RERE: variants seen among roughly 807,000 people sequenced by gnomAD.
RERE encodes arginine-glutamic acid dipeptide repeats protein.
In RERE, 40 loss-of-function variants were observed where a neutral mutation model predicts 146.1. The observed-to-expected ratio is 0.27, with a 90% CI of 0.21 to 0.36. The LOEUF is 0.36. Among genes scored for constraint, RERE ranks in the 10% least tolerant of loss-of-function variants. The pLI, the probability that RERE is intolerant of heterozygous loss-of-function variation, is 1.00. For missense variants in RERE, 1,933 were observed against 2,138.7 expected (o/e 0.90, Z 1.90); for synonymous variants, 1,003 against 866.0 (o/e 1.16, Z -2.78).
chr1:8,383,894 T>TAAAAA (rs1642543639), intron 12 of RERE, among the ~76,000 whole-genome samples: 1 of 144,916 alleles, frequency 6.9e-6, no homozygotes, highest in African/African-American at 2.6e-5. Context: ...TAAAATAAAA[T>TAAAAA]AAAAATGTAT....
At chr1:8,768,984 T>G (rs1640896603) in intron 1 of RERE, among the ~76,000 whole-genome samples, 1 of 152,218 alleles carries the variant, frequency 6.6e-6, no homozygotes, top group African/African-American at 2.4e-5. Context: ...ACATCTGGAC[T>G]GCAACCTGTT....
At chr1:8,362,868 G>T (rs370762569) in intron 15 of RERE, 24 bp from the exon 16 acceptor site, 5 of 1,595,100 alleles carry the variant, frequency 3.1e-6, no homozygotes, top group Non-Finnish European at 3.4e-6. Flanking sequence ...CCGAAGACTG[G>T]TGACACCAGA....
chr1:8,411,259 C>T (rs187655935), intron 12 of RERE, among the ~76,000 whole-genome samples: 93 of 151,434 alleles, frequency 6.1e-4, no homozygotes, highest in African/African-American at 2.1e-3. Flanking sequence ...GGCACATGGA[C>T]TTTTCTCCTG....
intron 1 of RERE, among the ~76,000 whole-genome samples, chr1:8,815,829 T>TTGTGTGTGTGTGTGTGTGTGTGTGTGTG (rs539845789): frequency 1.3e-5 from 2 of 149,850 alleles, no homozygotes; most frequent in Non-Finnish European, 3.0e-5. Flanking sequence ...CAGCTTGGTA[T>TTGTGTGTGTGTGTGTGTGTGTGTGTGTG]TGTGTGTGTG....
intron 7 of RERE, among the ~76,000 whole-genome samples, chr1:8,531,975 C>G (rs1030678106): frequency 6.6e-6 from 1 of 152,158 alleles, no homozygotes; most frequent in African/African-American, 2.4e-5. Flanking sequence ...AGGGGGTGGA[C>G]AACCCATTTT....
intron 2 of RERE, among the ~76,000 whole-genome samples, chr1:8,628,947 T>C (rs4440881): frequency 0.23 from 34,747 of 152,070 alleles, 5,652 homozygotes; most frequent in East Asian, 0.76. Flanking sequence ...ACTTCTTTTT[T>C]TATTAGAAAG....
intron 1 of RERE, among the ~76,000 whole-genome samples, chr1:8,797,144 C>A (rs1641491372): frequency 6.6e-6 from 1 of 152,014 alleles, no homozygotes; most frequent in Non-Finnish European, 1.5e-5. Flanking sequence ...GAGCCTGAGG[C>A]AGGAGGATCA....
chr1:8,777,456 T>C (rs972512027), intron 1 of RERE, among the ~76,000 whole-genome samples: 10 of 151,660 alleles, frequency 6.6e-5, no homozygotes, highest in Non-Finnish European at 1.0e-4. Context: ...CAGAAGAGAA[T>C]GAACATTATA....
chr1:8,423,018 C>A lies in RERE; in HGVS notation c.1204-211G>T, dbSNP rs559515839. On this transcript the variant is annotated intron_variant, in intron 11 of 22. Transcript: ENST00000400908. The surrounding 1 kb of genome is among the most constrained non-coding windows in gnomAD (Gnocchi z 5.4). ...ACCTTCATCAGAACCCCAATCCCAC[C>A]CACCACGCAGGGCAGCGCGTTTAAG... 41 of 538,556 alleles carry A rather than the reference C, an allele frequency of 7.6e-5. No homozygotes were observed. Among genetic ancestry groups the A allele is most frequent in the African/African-American group, 7.6e-4 (40 of 52,956 alleles). 33.4% of individuals were successfully genotyped at this position (538,556 alleles called of 1,614,324 possible).
At chr1:8,632,930 A>C (rs965954808) in intron 2 of RERE, among the ~76,000 whole-genome samples, 1 of 152,230 alleles carries the variant, frequency 6.6e-6, no homozygotes, top group South Asian at 2.1e-4. Flanking sequence ...GCAAAATTCA[A>C]GATTAAAAGA....
chr1:8,514,770 C>A (rs935488405), intron 7 of RERE, among the ~76,000 whole-genome samples: 4 of 151,552 alleles, frequency 2.6e-5, no homozygotes, highest in African/African-American at 7.3e-5. Context: ...AAAGACAAGA[C>A]AAGAAAAGAA....
chr1:8,717,174 A>T (rs1252499536), intron 1 of RERE, among the ~76,000 whole-genome samples: 1 of 152,198 alleles, frequency 6.6e-6, no homozygotes, highest in Non-Finnish European at 1.5e-5. Flanking sequence ...CATTTTTAGC[A>T]TTTTACCCAT....
chr1:8,725,916 T>C (rs1455766706), intron 1 of RERE, among the ~76,000 whole-genome samples: 1 of 151,832 alleles, frequency 6.6e-6, no homozygotes, highest in Non-Finnish European at 1.5e-5. Flanking sequence ...CATCTAATTT[T>C]AACTTTGTTT....
At chr1:8,804,757 AAG>A (rs1344922120) in intron 1 of RERE, among the ~76,000 whole-genome samples, 1 of 152,098 alleles carries the variant, frequency 6.6e-6, no homozygotes, top group Non-Finnish European at 1.5e-5. Flanking sequence ...CTCTGACAAA[AAG>A]GAAAGAGTTA....
rs922802007 is a variant in RERE at position 8,601,268 on chromosome 1, T to C, written c.522+13293A>G. 4.6e-5 allele frequency among the ~76,000 whole-genome samples: 7 copies of C among 152,174 alleles called. No individual in the cohort carries two copies. In the East Asian group the frequency reaches 9.7e-4, roughly 21 times the overall value. On this transcript the variant is annotated intron_variant, in intron 4 of 22. Coordinates refer to ENST00000400908, the MANE Select transcript of RERE (RefSeq NM_001042681.2). ...CCTGACCTCCAGTGACCCACCCTCC[T>C]CAGCCTCCCAAAGTGCTGGGATTAC...
At chr1:8,621,535 T>C (rs761253398) in intron 3 of RERE, among the ~76,000 whole-genome samples, 79 of 152,332 alleles carry the variant, frequency 5.2e-4, no homozygotes, top group Non-Finnish European at 7.9e-4. Context: ...ACATCCTTTA[T>C]ACACAAAATT....
chr1:8,493,101 A>AAAC (rs962814613), intron 10 of RERE, among the ~76,000 whole-genome samples: 5 of 152,128 alleles, frequency 3.3e-5, no homozygotes, highest in Non-Finnish European at 5.9e-5. Flanking sequence ...AAACAACAAC[A>AAAC]AACAACAACA....
At chr1:8,433,782 G>A (rs1302267378) in intron 11 of RERE, among the ~76,000 whole-genome samples, 4 of 151,022 alleles carry the variant, frequency 2.6e-5, no homozygotes, top group Admixed American at 2.6e-4. Context: ...GGATGGTCTC[G>A]ATCTCCTGAC....
intron 1 of RERE, among the ~76,000 whole-genome samples, chr1:8,785,362 G>A (rs1299530856): frequency 6.6e-6 from 1 of 152,098 alleles, no homozygotes; most frequent in Non-Finnish European, 1.5e-5. Context: ...CCAAACACCA[G>A]AATTCAGCAT....
Sources: allele counts gnomAD v4.1 joint callset (sites outside exome capture counted in the v4.1 genomes callset), GRCh38; gene constraint gnomAD v4.1.1; non-coding constraint Gnocchi (gnomAD v3.1); transcripts MANE v1.5; gene names NCBI Gene and HGNC (gene_info 2026-07-23, HGNC 2026-07-21).